The following RALGPS1 variants were observed in gnomAD, a reference collection of about 807,000 sequenced individuals.
RALGPS1 encodes the protein Ral GEF with PH domain and SH3 binding motif 1, also known as ras-specific guanine nucleotide-releasing factor RalGPS1.
RALGPS1 carries 19 observed loss-of-function variants against 78.8 expected under a neutral mutation model. The ratio of observed to expected loss-of-function variants is 0.24; its 90% CI spans 0.17 to 0.35. The LOEUF (loss-of-function observed/expected upper bound fraction) is 0.35. RALGPS1 is among the 10% of genes least tolerant of loss of function. The pLI is 1.00. For synonymous variants in RALGPS1, 228 were observed against 256.3 expected (o/e 0.89, Z 1.06); for missense variants, 454 against 688.3 (o/e 0.66, Z 3.81).
intron 3 of RALGPS1, among the ~76,000 whole-genome samples, chr9:126,974,167 C>T (rs1250946694): frequency 6.6e-6 from 1 of 152,212 alleles, no homozygotes; most frequent in Non-Finnish European, 1.5e-5. Context: ...AACCACTGTG[C>T]CCAGCCTAGT....
chr9:126,956,459 C>T (rs73587393), intron 1 of RALGPS1, among the ~76,000 whole-genome samples: 2,839 of 152,222 alleles, frequency 0.019, 98 homozygotes, highest in African/African-American at 0.065. Flanking sequence ...CCATTTTTGT[C>T]GGGGGCGAGA....
intron 11 of RALGPS1, among the ~76,000 whole-genome samples, chr9:127,186,474 A>G (rs1443180705): frequency 1.3e-5 from 2 of 152,216 alleles, no homozygotes; most frequent in East Asian, 3.9e-4. Flanking sequence ...CAAACTTGCC[A>G]GCCACCCAGC....
rs146221420 is a variant in RALGPS1 at position 127,147,810 on chromosome 9, G to A, written c.611-18259G>A. Among the ~76,000 whole-genome samples, 1,179 of 152,262 alleles carry A rather than the reference G, an allele frequency of 7.7e-3. 13 individuals are homozygous for A. Among genetic ancestry groups the A allele is most frequent in the South Asian group, 0.046 (224 of 4,824 alleles). On this transcript the variant is annotated intron_variant, in intron 8 of 18. Transcript: ENST00000259351. ...GGGCACTCAGTAAATGCTAATAGAC[G>A]TTAGTCACTGGTGGTGGTGTTATCA...
chr9:127,142,473 G>C (rs1393247927), intron 8 of RALGPS1, among the ~76,000 whole-genome samples: 1 of 152,156 alleles, frequency 6.6e-6, no homozygotes, highest in Non-Finnish European at 1.5e-5. Flanking sequence ...GGCATGATGG[G>C]CGCATCTGGA....
intron 8 of RALGPS1, among the ~76,000 whole-genome samples, chr9:127,121,937 C>T (rs1435147158): frequency 6.6e-6 from 1 of 152,242 alleles, no homozygotes; most frequent in Non-Finnish European, 1.5e-5. Context: ...CCTTGGGCCA[C>T]CCCTGCCTTC....
At chr9:127,035,261 A>G (rs1012353163) in intron 5 of RALGPS1, among the ~76,000 whole-genome samples, 3 of 152,124 alleles carry the variant, frequency 2.0e-5, no homozygotes, top group Admixed American at 6.5e-5. Flanking sequence ...AATTTTCTTG[A>G]ATTCCTGATG....
intron 11 of RALGPS1, among the ~76,000 whole-genome samples, chr9:127,188,531 CAGAG>C (rs1395858516): frequency 1.3e-5 from 2 of 152,100 alleles, no homozygotes; most frequent in Non-Finnish European, 2.9e-5. Flanking sequence ...ACTGGGGCCT[CAGAG>C]AGCCTCTCCT....
At chr9:127,083,024 G>A (rs2051332710) in intron 8 of RALGPS1, among the ~76,000 whole-genome samples, 1 of 152,186 alleles carries the variant, frequency 6.6e-6, no homozygotes, top group Non-Finnish European at 1.5e-5. Flanking sequence ...GGATAGTGCA[G>A]GGGTCAGCAG....
chr9:127,135,248 T>C (rs1201364938), intron 8 of RALGPS1, among the ~76,000 whole-genome samples: 1 of 152,130 alleles, frequency 6.6e-6, no homozygotes, highest in African/African-American at 2.4e-5. Flanking sequence ...CAGAAACTCA[T>C]GGGGTCACAA....
chr9:127,134,484 G>C (rs1048089441), intron 8 of RALGPS1, among the ~76,000 whole-genome samples: 5 of 152,150 alleles, frequency 3.3e-5, no homozygotes, highest in African/African-American at 9.7e-5. Context: ...AGTAATAATA[G>C]CAGCCATGCT....
intron 17 of RALGPS1, 28 bp downstream of exon 17, chr9:127,213,077 G>A (rs1463689851): frequency 3.7e-6 from 6 of 1,613,866 alleles, no homozygotes; most frequent in Non-Finnish European, 5.1e-6. Context: ...GCTGGCGCCT[G>A]CAGCTGCTCT....
At chr9:127,179,084 G>C (rs1397311768) in intron 11 of RALGPS1, among the ~76,000 whole-genome samples, 1 of 152,200 alleles carries the variant, frequency 6.6e-6, no homozygotes, top group Non-Finnish European at 1.5e-5. Context: ...GCTGACTGCT[G>C]ACTCGGCACA....
chr9:126,953,895 C>G (rs781584648), intron 1 of RALGPS1, among the ~76,000 whole-genome samples: 2 of 152,270 alleles, frequency 1.3e-5, no homozygotes, highest in East Asian at 3.9e-4. Flanking sequence ...GTCCCCAGAG[C>G]CCATTTAATC....
chr9:126,977,833 T>G, intron 4 of RALGPS1, 88 bp downstream of exon 4: 1 of 901,910 alleles, frequency 1.1e-6, no homozygotes, highest in Non-Finnish European at 1.7e-6. Context: ...TCTCAGTTTC[T>G]CTCTTGCAGG....
intron 4 of RALGPS1, among the ~76,000 whole-genome samples, chr9:126,980,059 A>C (rs1197310838): frequency 6.6e-6 from 1 of 152,234 alleles, no homozygotes; most frequent in Non-Finnish European, 1.5e-5. Context: ...TTGGATCTAT[A>C]ACATGTTAGC....
chr9:126,934,793 G>A (rs191390568), intron 1 of RALGPS1, among the ~76,000 whole-genome samples: 5 of 152,136 alleles, frequency 3.3e-5, no homozygotes, highest in Admixed American at 2.6e-4. Flanking sequence ...GCAACCTCCC[G>A]TCAACCTCAG....
chr9:127,108,876 C>T, intron 8 of RALGPS1: 2 of 910,496 alleles, frequency 2.2e-6, no homozygotes, highest in Non-Finnish European at 3.2e-6. Context: ...GCAGGCAGAG[C>T]TTTCCAAAAA....
intron 1 of RALGPS1, among the ~76,000 whole-genome samples, chr9:126,954,127 C>T (rs1253502797): frequency 6.6e-6 from 1 of 152,212 alleles, no homozygotes; most frequent in East Asian, 1.9e-4. Context: ...AGGCATTGGT[C>T]ACCCACTTCT....
intron 14 of RALGPS1, among the ~76,000 whole-genome samples, chr9:127,204,900 C>G (rs2061849910): frequency 6.6e-6 from 1 of 152,164 alleles, no homozygotes; most frequent in Middle Eastern, 3.2e-3. Context: ...CTGCCAGGTC[C>G]CAAGGATGCC....
Sources: gnomAD v4.1 joint callset for allele counts (sites outside exome capture counted in the v4.1 genomes callset) on GRCh38, gnomAD v4.1.1 for gene constraint, MANE v1.5 for transcripts, NCBI Gene and HGNC (gene_info 2026-07-23, HGNC 2026-07-21) for gene names.